The following LYPD6B variants were observed in gnomAD, a reference collection of about 807,000 sequenced individuals.
LYPD6B encodes ly6/PLAUR domain-containing protein 6B.
Under a neutral mutation model 22.8 loss-of-function variants are expected in LYPD6B, and 17 were observed. The observed-to-expected ratio is 0.75, with a 90% CI of 0.51 to 1.12. The LOEUF (loss-of-function observed/expected upper bound fraction) is 1.12, where lower values mean the gene tolerates loss of function less well. LYPD6B is among the 50% of genes most tolerant of loss of function. LYPD6B has a pLI of 0.00. For missense variants in LYPD6B, 221 were observed against 258.3 expected (o/e 0.86, Z 0.99); for synonymous variants, 106 against 91.6 (o/e 1.16, Z -0.90).
At chr2:149,069,999 T>C (rs1276315714) in intron 1 of LYPD6B, among the ~76,000 whole-genome samples, 1 of 151,950 alleles carries the variant, frequency 6.6e-6, no homozygotes, top group Non-Finnish European at 1.5e-5. Context: ...CATAAATTCT[T>C]AGAAAAATAA....
At chr2:149,196,486 A>G (rs1692816528) in intron 3 of LYPD6B, among the ~76,000 whole-genome samples, 1 of 152,240 alleles carries the variant, frequency 6.6e-6, no homozygotes, top group Non-Finnish European at 1.5e-5. Flanking sequence ...GGCTTTATAA[A>G]CAATGGTCAG....
chr2:149,070,738 G>A (rs894871195), intron 1 of LYPD6B, among the ~76,000 whole-genome samples: 1 of 152,180 alleles, frequency 6.6e-6, no homozygotes, highest in East Asian at 1.9e-4. Flanking sequence ...GAGGTGTTCT[G>A]GCAGGCTTCT....
At position 149,047,382 on chromosome 2, in the gene LYPD6B, TA is replaced by T. The variant is rs974407855; in HGVS notation, c.-67+8591del. Among the ~76,000 whole-genome samples the T allele has an allele frequency of 2.1e-3, 312 of 150,982 alleles. 3 individuals carry two copies. Among genetic ancestry groups the T allele is most frequent in the African/African-American group, 6.2e-3 (256 of 41,356 alleles). On this transcript the variant is annotated intron_variant, in intron 1 of 6. Transcript: ENST00000409642. ...GCTGAGAAGCAATGGGTTGACAATTTAAAAAAAAAATTCAGGACTTTAAAAA... is the reference window on the plus strand; with the variant it reads ...GCTGAGAAGCAATGGGTTGACAATTTAAAAAAAAATTCAGGACTTTAAAAA...
At chr2:149,180,525 G>GA (rs1691640253) in intron 3 of LYPD6B, among the ~76,000 whole-genome samples, 1 of 151,930 alleles carries the variant, frequency 6.6e-6, no homozygotes, top group East Asian at 1.9e-4. Flanking sequence ...CTGAAGTGAG[G>GA]AAAAAAAGAA....
At chr2:149,043,656 C>T (rs115218437) in intron 1 of LYPD6B, among the ~76,000 whole-genome samples, 1,642 of 152,092 alleles carry the variant, frequency 0.011, 27 homozygotes, top group African/African-American at 0.035. Context: ...ACCAGTTTAT[C>T]GATTTTTTAA....
chr2:149,073,457 G>A (rs1684738871), intron 1 of LYPD6B, among the ~76,000 whole-genome samples: 1 of 152,098 alleles, frequency 6.6e-6, no homozygotes, highest in East Asian at 1.9e-4. Flanking sequence ...TATGCCAGCT[G>A]GGTCCTGGGA....
intron 1 of LYPD6B, among the ~76,000 whole-genome samples, chr2:149,106,475 GT>G (rs1002136538): frequency 6.6e-6 from 1 of 152,036 alleles, no homozygotes; most frequent in Non-Finnish European, 1.5e-5. Context: ...CTATTCAAAG[GT>G]TGCCAGTTTT....
intron 3 of LYPD6B, among the ~76,000 whole-genome samples, chr2:149,162,969 T>C (rs933463895): frequency 6.6e-6 from 1 of 152,096 alleles, no homozygotes; most frequent in African/African-American, 2.4e-5. Context: ...TTCTGTTTTC[T>C]GGGCAACTGG....
At chr2:149,159,815 T>G (rs1689938023) in intron 2 of LYPD6B, among the ~76,000 whole-genome samples, 1 of 152,118 alleles carries the variant, frequency 6.6e-6, no homozygotes, top group African/African-American at 2.4e-5. Context: ...GACCTCAGTC[T>G]TTTTTCTTAA....
At chr2:149,072,441 A>G (rs1478539846) in intron 1 of LYPD6B, among the ~76,000 whole-genome samples, 4 of 152,148 alleles carry the variant, frequency 2.6e-5, no homozygotes, top group Admixed American at 6.5e-5. Flanking sequence ...AATAAATGCT[A>G]TGAAGGATAA....
intron 1 of LYPD6B, among the ~76,000 whole-genome samples, chr2:149,054,425 C>T (rs1051654513): frequency 6.6e-6 from 1 of 152,056 alleles, no homozygotes; most frequent in African/African-American, 2.4e-5. Flanking sequence ...AAATACTTTG[C>T]CATTTTAAGA....
intron 3 of LYPD6B, among the ~76,000 whole-genome samples, chr2:149,197,093 A>G (rs1257390272): frequency 6.6e-6 from 1 of 152,220 alleles, no homozygotes; most frequent in Non-Finnish European, 1.5e-5. Context: ...GTCCACCTAT[A>G]TCTTTCTCTC....
At position 149,059,070 on chromosome 2, in the gene LYPD6B, C is replaced by T. The variant is rs79562043; in HGVS notation, c.-67+20269C>T. ...GCTCTCTGTAGGTATTGCCAGGCCACGGAGCCCTGTCTCTTTGAGGGAAGC... is the reference window on the plus strand; with the variant it reads ...GCTCTCTGTAGGTATTGCCAGGCCATGGAGCCCTGTCTCTTTGAGGGAAGC... On this transcript the variant is annotated intron_variant, in intron 1 of 6. Transcript: ENST00000409642. 7.6e-3 allele frequency among the ~76,000 whole-genome samples: 1,163 copies of T among 152,326 alleles called. 47 individuals are homozygous for T. Among genetic ancestry groups the T allele is most frequent in the Admixed American group, 0.054 (823 of 15,304 alleles).
chr2:149,133,639 C>T (rs1298984505), intron 2 of LYPD6B, among the ~76,000 whole-genome samples: 2 of 152,132 alleles, frequency 1.3e-5, no homozygotes, highest in Non-Finnish European at 2.9e-5. Context: ...TGTATTACTG[C>T]AAGATTAGCA....
In LYPD6B at chr2:149,157,094, G is replaced by A. The variant is rs374689367; in HGVS notation, c.6-3670G>A. On this transcript the variant is annotated intron_variant, in intron 2 of 6. Coordinates refer to ENST00000409642, the MANE Select transcript of LYPD6B (RefSeq NM_177964.5). ...CTGAGATGGGGTAAGTAATTACTTCGGACAGAGAGCTGAGTGCCTTTTTCA... is the reference window on the plus strand; with the variant it reads ...CTGAGATGGGGTAAGTAATTACTTCAGACAGAGAGCTGAGTGCCTTTTTCA... Among the ~76,000 whole-genome samples the A allele has an allele frequency of 3.6e-4, 55 of 152,106 alleles. No homozygotes were observed. The South Asian group carries it at 3.9e-3, about 11-fold the overall frequency.
chr2:149,191,025 A>T (rs1675825106), intron 3 of LYPD6B, among the ~76,000 whole-genome samples: 1 of 152,156 alleles, frequency 6.6e-6, no homozygotes. Context: ...AATACATTTT[A>T]TCATGAACAA....
At chr2:149,187,183 A>G (rs1261265190) in intron 3 of LYPD6B, among the ~76,000 whole-genome samples, 4 of 152,194 alleles carry the variant, frequency 2.6e-5, no homozygotes, top group Non-Finnish European at 4.4e-5. Context: ...CAAACCCACA[A>G]TATCTCTGAG....
intron 1 of LYPD6B, among the ~76,000 whole-genome samples, chr2:149,067,169 C>G (rs983691528): frequency 6.6e-6 from 1 of 152,132 alleles, no homozygotes; most frequent in Non-Finnish European, 1.5e-5. Context: ...CCTACTATTC[C>G]TATCACCTGT....
At chr2:149,165,953 T>A (rs1291431871) in intron 3 of LYPD6B, among the ~76,000 whole-genome samples, 1 of 152,182 alleles carries the variant, frequency 6.6e-6, no homozygotes, top group Non-Finnish European at 1.5e-5. Flanking sequence ...GAGACCCTAA[T>A]TAGATGTAAT....
Sources: gnomAD v4.1 joint callset for allele counts (sites outside exome capture counted in the v4.1 genomes callset) on GRCh38, gnomAD v4.1.1 for gene constraint, MANE v1.5 for transcripts, NCBI Gene and HGNC (gene_info 2026-07-23, HGNC 2026-07-21) for gene names.